USP15: variants seen among roughly 807,000 people sequenced by gnomAD.
USP15 encodes the protein ubiquitin carboxyl-terminal hydrolase 15.
In USP15, 18 loss-of-function variants were observed where a neutral mutation model predicts 127.1. That is an observed-to-expected ratio of 0.14 (90% CI 0.10 to 0.21). The LOEUF is 0.21. Among genes scored for constraint, USP15 ranks in the 10% least tolerant of loss-of-function variants. The probability of loss-of-function intolerance (pLI) is 1.00; values close to 1 mark genes in which losing one functional copy is unlikely to be tolerated. For missense variants in USP15, 805 were observed against 1,159.9 expected (o/e 0.69, Z 4.44); for synonymous variants, 364 against 393.7 (o/e 0.92, Z 0.89).
At position 62,411,049 on chromosome 12, in the gene USP15, A is replaced by G. The variant is rs1401767084; in HGVS notation, c.*6674A>G. 6.6e-6 allele frequency: 1 copy of G among 152,214 alleles called. No homozygotes were observed. The highest frequency in any genetic ancestry group is 1.5e-5 in the Non-Finnish European group (1 of 68,036). 9.4% of individuals were successfully genotyped at this position (152,214 alleles called of 1,614,324 possible). ...GAGGTTCTCAGCAAGCCACACCTGA[A>G]TTCCTAACCCACAAAAACTGTGAGA... On this transcript the variant is annotated 3_prime_UTR_variant, in exon 22 of 22. Coordinates refer to ENST00000280377, the MANE Select transcript of USP15 (RefSeq NM_001252078.2).
intron 7 of USP15, among the ~76,000 whole-genome samples, chr12:62,353,219 T>C (rs2066014628): frequency 6.6e-6 from 1 of 152,096 alleles, no homozygotes; most frequent in Admixed American, 6.6e-5. Context: ...ACTATCTCAA[T>C]CTTTGAGCAA....
intron 4 of USP15, among the ~76,000 whole-genome samples, chr12:62,315,405 C>A (rs1052739271): frequency 4.0e-4 from 60 of 151,784 alleles, no homozygotes; most frequent in African/African-American, 1.4e-3. Flanking sequence ...GGACTTAATT[C>A]TCTCTATATA....
intron 1 of USP15, among the ~76,000 whole-genome samples, chr12:62,266,450 A>AT (rs1423434516): frequency 1.3e-5 from 2 of 152,194 alleles, no homozygotes; most frequent in Admixed American, 6.5e-5. Context: ...CTCTTAAAGA[A>AT]TTTTTGAAGT....
At chr12:62,302,699 A>C in intron 2 of USP15, 91 bp from the exon 3 acceptor site, 2 of 1,392,270 alleles carry the variant, frequency 1.4e-6, no homozygotes, top group Non-Finnish European at 1.9e-6. Flanking sequence ...ACTTGTTTTA[A>C]ATACTTAAAT....
chr12:62,276,949 T>C (rs2063508996), intron 1 of USP15, among the ~76,000 whole-genome samples: 1 of 152,198 alleles, frequency 6.6e-6, no homozygotes, highest in African/African-American at 2.4e-5. Context: ...ATTAGTTTTC[T>C]TATTTTTATG....
chr12:62,294,439 A>G, intron 2 of USP15, 133 bp downstream of exon 2: 1 of 939,572 alleles, frequency 1.1e-6, no homozygotes, highest in South Asian at 1.9e-5. Flanking sequence ...TACCTAATGA[A>G]CTCATTATTC....
intron 1 of USP15, among the ~76,000 whole-genome samples, chr12:62,261,899 A>C (rs963426469): frequency 6.6e-6 from 1 of 152,180 alleles, no homozygotes; most frequent in Admixed American, 6.5e-5. Context: ...GTAAATACAT[A>C]CTTGTTTCAT....
At chr12:62,288,741 C>T (rs1005419167) in intron 1 of USP15, among the ~76,000 whole-genome samples, 5 of 152,016 alleles carry the variant, frequency 3.3e-5, no homozygotes, top group Admixed American at 2.0e-4. Flanking sequence ...TTGTTTGTGA[C>T]TTTTATTATT....
At chr12:62,402,298 T>C (rs1454173935) in intron 21 of USP15, among the ~76,000 whole-genome samples, 1 of 152,016 alleles carries the variant, frequency 6.6e-6, no homozygotes, top group Non-Finnish European at 1.5e-5. Flanking sequence ...GTTAAAAAGA[T>C]AGCTGTCACT....
rs909969197 is a variant in USP15, at chr12:62,409,106, A to G, written c.*4731A>G. 1 of 152,192 alleles carries G rather than the reference A, an allele frequency of 6.6e-6. No homozygotes were observed. The highest frequency in any genetic ancestry group is 2.4e-5 in the African/African-American group (1 of 41,456). 9.4% of individuals were successfully genotyped at this position (152,192 alleles called of 1,614,324 possible). On this transcript the variant is annotated 3_prime_UTR_variant, in exon 22 of 22. Transcript: ENST00000280377. Reference sequence around the variant, plus strand: ...GGTAAAGAATTTTTAAATGGATAATATAAAACAGACAGTTCAAAAATTATT... The same window carrying G: ...GGTAAAGAATTTTTAAATGGATAATGTAAAACAGACAGTTCAAAAATTATT...
chr12:62,323,810 A>G (rs2065055674), intron 5 of USP15, among the ~76,000 whole-genome samples: 1 of 152,324 alleles, frequency 6.6e-6, no homozygotes, highest in Middle Eastern at 3.4e-3. Flanking sequence ...CAGAGAAGTT[A>G]AATAATTTGA....
intron 1 of USP15, among the ~76,000 whole-genome samples, chr12:62,274,891 A>C (rs1249073594): frequency 6.6e-6 from 1 of 152,158 alleles, no homozygotes; most frequent in Non-Finnish European, 1.5e-5. Context: ...CTTGGAAGCA[A>C]GCAAAACTTA....
chr12:62,388,322 A>G (rs1424243142), intron 11 of USP15, among the ~76,000 whole-genome samples: 2 of 151,948 alleles, frequency 1.3e-5, no homozygotes, highest in African/African-American at 4.8e-5. Flanking sequence ...TTGTAGCAAC[A>G]GGGTTTTGCC....
chr12:62,278,997 A>C (rs879638563), intron 1 of USP15: 3 of 152,152 alleles, frequency 2.0e-5, no homozygotes, highest in Non-Finnish European at 2.9e-5. Flanking sequence ...GTCTATATCA[A>C]CTTTTTTCAT....
At chr12:62,379,743 T>C (rs890551047) in intron 8 of USP15, among the ~76,000 whole-genome samples, 19 of 152,106 alleles carry the variant, frequency 1.2e-4, no homozygotes, top group Admixed American at 1.2e-3. Context: ...ACCTGTCCTT[T>C]GTCTGACTAT....
At chr12:62,279,960 T>C (rs2063603044) in intron 1 of USP15, among the ~76,000 whole-genome samples, 1 of 152,232 alleles carries the variant, frequency 6.6e-6, no homozygotes, top group Non-Finnish European at 1.5e-5. Flanking sequence ...TATGCCAATA[T>C]CACATTTTCT....
In USP15 at chr12:62,302,780, T is replaced by C. The variant is rs773148231; in HGVS notation, c.218-10T>C. On this transcript the variant is annotated splice_polypyrimidine_tract_variant and intron_variant, in intron 2 of 21. Coordinates refer to ENST00000280377, the MANE Select transcript of USP15 (RefSeq NM_001252078.2). ...AGAGTTAGGTATTGAGTTTATTTTT[T>C]CTTTTGCAGATGGTGATGCCCAGTC... is the stretch of plus-strand genomic sequence containing the variant. 6.2e-7 allele frequency: 1 copy of C among 1,600,286 alleles called. No homozygotes were observed. Among genetic ancestry groups the C allele is most frequent in the East Asian group, 2.2e-5 (1 of 44,658 alleles).
At chr12:62,285,252 G>T (rs1221358836) in intron 1 of USP15, among the ~76,000 whole-genome samples, 1 of 151,952 alleles carries the variant, frequency 6.6e-6, no homozygotes, top group East Asian at 1.9e-4. Context: ...TCCCTCTCCT[G>T]CCTCCCACCC....
intron 8 of USP15, among the ~76,000 whole-genome samples, chr12:62,374,804 G>C (rs2066772702): frequency 6.6e-6 from 1 of 152,024 alleles, no homozygotes; most frequent in South Asian, 2.1e-4. Flanking sequence ...GAAAATAATG[G>C]AAGAGCAATA....
Sources: allele counts gnomAD v4.1 joint callset (sites outside exome capture counted in the v4.1 genomes callset), GRCh38; gene constraint gnomAD v4.1.1; transcripts MANE v1.5; gene names NCBI Gene and HGNC (gene_info 2026-07-23, HGNC 2026-07-21).